NALF1: variants seen among roughly 807,000 people sequenced by gnomAD.
The protein encoded by NALF1 is family with sequence similarity 155 member A.
Under a neutral mutation model 48.4 loss-of-function variants are expected in NALF1, and 3 were observed. The observed-to-expected ratio is 0.06, with a 90% confidence interval of 0.03 to 0.16. NALF1 has a LOEUF of 0.16. Ranked by LOEUF, NALF1 falls within the 10% of genes least tolerant of loss-of-function variation. NALF1 has a pLI of 1.00. For synonymous variants in NALF1, 262 were observed against 245.7 expected, an observed-to-expected ratio of 1.07 and a Z score of -0.62; for missense variants, 526 against 571.5, an observed-to-expected ratio of 0.92 and a Z score of 0.81.
At chr13:107,387,342 C>T (rs534995206) in intron 1 of NALF1, among the ~76,000 whole-genome samples, 2 of 152,240 alleles carry the variant, frequency 1.3e-5, no homozygotes, top group Admixed American at 6.5e-5. Context: ...CCAAGTTCAA[C>T]CCCCATTACA....
chr13:107,178,363 A>G (rs975414032), intron 2 of NALF1, among the ~76,000 whole-genome samples: 1 of 152,240 alleles, frequency 6.6e-6, no homozygotes, highest in African/African-American at 2.4e-5. Context: ...ACAGGAAAAC[A>G]TCTAATAATT....
intron 1 of NALF1, among the ~76,000 whole-genome samples, chr13:107,764,260 A>G (rs1877360049): frequency 6.6e-6 from 1 of 152,158 alleles, no homozygotes. Context: ...ATGTTTTAAC[A>G]TTAGATACTG....
At chr13:107,667,885 A>C (rs1880899344) in intron 1 of NALF1, among the ~76,000 whole-genome samples, 1 of 152,134 alleles carries the variant, frequency 6.6e-6, no homozygotes, top group African/African-American at 2.4e-5. Context: ...ATATAATGGA[A>C]AATATTTTCT....
chr13:107,263,461 C>T (rs1297416997), intron 1 of NALF1, among the ~76,000 whole-genome samples: 2 of 152,128 alleles, frequency 1.3e-5, no homozygotes, highest in Non-Finnish European at 2.9e-5. Flanking sequence ...TGTGGCCCCA[C>T]CGAAATCTCA....
At chr13:107,685,183 G>A (rs139427766) in intron 1 of NALF1, among the ~76,000 whole-genome samples, 3,319 of 152,130 alleles carry the variant, frequency 0.022, 46 homozygotes, top group Non-Finnish European at 0.032. Flanking sequence ...GCGTGGTGGC[G>A]CACACCTGTA....
In NALF1 at chr13:107,362,895, C is replaced by T. The variant is rs1566495917; in HGVS notation, c.916-152140G>A. On this transcript the variant is annotated intron_variant, in intron 1 of 2. Coordinates refer to ENST00000375915, the MANE Select transcript of NALF1 (RefSeq NM_001080396.3). The surrounding 1 kb of genome is among the most constrained non-coding windows in gnomAD (Gnocchi z 4.6). Reference sequence around the variant, plus strand: ...TGGGTTATCTATACATACCTTTAGGCTCATGATAAAGGTAGAAACTATCTT... The same window carrying T: ...TGGGTTATCTATACATACCTTTAGGTTCATGATAAAGGTAGAAACTATCTT... 6.6e-6 allele frequency among the ~76,000 whole-genome samples: 1 copy of T among 152,136 alleles called. No individual in the cohort carries two copies.
intron 2 of NALF1, among the ~76,000 whole-genome samples, chr13:107,193,254 G>A (rs532639573): frequency 6.6e-6 from 1 of 152,074 alleles, no homozygotes; most frequent in Admixed American, 6.5e-5. Context: ...CAGAAAGAAT[G>A]CTTTGGCTTT....
intron 2 of NALF1, among the ~76,000 whole-genome samples, chr13:107,210,088 G>A (rs1009802329): frequency 1.5e-4 from 17 of 110,612 alleles, no homozygotes; most frequent in Admixed American, 2.7e-4. Flanking sequence ...ACACACACAC[G>A]TACAATTTAG....
At chr13:107,826,123 T>C (rs1417475349) in intron 1 of NALF1, among the ~76,000 whole-genome samples, 3 of 152,150 alleles carry the variant, frequency 2.0e-5, no homozygotes, top group African/African-American at 7.2e-5. Flanking sequence ...ATCCAGCTGA[T>C]GGTCTTTTAA....
At chr13:107,724,737 G>T (rs1028768825) in intron 1 of NALF1, among the ~76,000 whole-genome samples, 18 of 152,060 alleles carry the variant, frequency 1.2e-4, no homozygotes, top group Middle Eastern at 3.4e-3. Context: ...AATTTTTGTG[G>T]TTTTTTTGTT....
At chr13:107,778,064 A>T (rs956523682) in intron 1 of NALF1, among the ~76,000 whole-genome samples, 1 of 152,212 alleles carries the variant, frequency 6.6e-6, no homozygotes, top group Non-Finnish European at 1.5e-5. Flanking sequence ...TTTACTTTTT[A>T]AATAATTGAC....
chr13:107,542,330 AG>A (rs1877020937), intron 1 of NALF1, among the ~76,000 whole-genome samples: 1 of 151,764 alleles, frequency 6.6e-6, no homozygotes, highest in African/African-American at 2.4e-5. Context: ...CTGGTGGGGG[AG>A]GGGGGCAATG....
intron 2 of NALF1, among the ~76,000 whole-genome samples, chr13:107,187,924 T>G: frequency 6.6e-6 from 1 of 152,220 alleles, no homozygotes; most frequent in Non-Finnish European, 1.5e-5. Context: ...TTTCTGCCAT[T>G]AAAAGTTATA....
chr13:107,585,331 A>G (rs906072169), intron 1 of NALF1, among the ~76,000 whole-genome samples: 4 of 152,080 alleles, frequency 2.6e-5, no homozygotes, highest in Non-Finnish European at 5.9e-5. Flanking sequence ...TAAAGAAAAA[A>G]AATACTCGGT....
chr13:107,588,176 T>C (rs1878509231), intron 1 of NALF1, among the ~76,000 whole-genome samples: 1 of 152,098 alleles, frequency 6.6e-6, no homozygotes, highest in South Asian at 2.1e-4. Flanking sequence ...GGACTGTCCA[T>C]GGGAGGCCCC....
At chr13:107,829,697 G>A (rs913585680) in intron 1 of NALF1, among the ~76,000 whole-genome samples, 2 of 130,260 alleles carry the variant, frequency 1.5e-5, no homozygotes, top group Admixed American at 1.6e-4. Context: ...GAGTTTACTC[G>A]TGTCTGAAAA....
intron 1 of NALF1, among the ~76,000 whole-genome samples, chr13:107,248,616 A>T (rs1364834710): frequency 6.7e-6 from 1 of 149,756 alleles, no homozygotes. Flanking sequence ...TTAAATTCAG[A>T]TTAATTCAAA....
intron 1 of NALF1, among the ~76,000 whole-genome samples, chr13:107,810,949 G>A (rs1413707603): frequency 1.3e-5 from 2 of 152,008 alleles, no homozygotes; most frequent in African/African-American, 4.8e-5. Flanking sequence ...ACTTATATGT[G>A]CAAACATACA....
intron 1 of NALF1, among the ~76,000 whole-genome samples, chr13:107,379,260 A>C (rs1409175616): frequency 6.6e-6 from 1 of 152,158 alleles, no homozygotes; most frequent in Non-Finnish European, 1.5e-5. Context: ...CTGTTAATTA[A>C]TTATAGCTTG....
Sources: allele counts gnomAD v4.1 joint callset (sites outside exome capture counted in the v4.1 genomes callset), GRCh38; gene constraint gnomAD v4.1.1; non-coding constraint Gnocchi (gnomAD v3.1); transcripts MANE v1.5; gene names NCBI Gene and HGNC (gene_info 2026-07-23, HGNC 2026-07-21).